The following FAM220A variants were observed in gnomAD, a reference collection of about 807,000 sequenced individuals.
The protein encoded by FAM220A is protein FAM220A.
For missense variants in FAM220A, 392 were observed against 321.6 expected (o/e 1.22, Z -1.68); for synonymous variants, 141 against 130.7 (o/e 1.08, Z -0.54).
chr7:6,332,886 C>T (rs962959170), intron 1 of FAM220A, among the ~76,000 whole-genome samples: 15 of 152,136 alleles, frequency 9.9e-5, no homozygotes, highest in Admixed American at 3.9e-4. Flanking sequence ...TTTGGCCAGG[C>T]GCAGTGGCTC....
chr7:6,335,934 A>G (rs1418571021), intron 1 of FAM220A, among the ~76,000 whole-genome samples: 1 of 152,054 alleles, frequency 6.6e-6, no homozygotes, highest in Non-Finnish European at 1.5e-5. Flanking sequence ...GCACTCTGGG[A>G]GGCCAAGACG....
At chr7:6,340,861 T>C (rs1408038098) in intron 1 of FAM220A, among the ~76,000 whole-genome samples, 2 of 126,152 alleles carry the variant, frequency 1.6e-5, no homozygotes, top group African/African-American at 6.3e-5. Flanking sequence ...ATGGCGCCAC[T>C]GCACTCCAGC....
chr7:6,330,438 C>G lies in FAM220A; in HGVS notation c.717G>C (p.Gln239His), dbSNP rs376469614. The change falls in exon 2 of 2, where the codon CAG becomes CAC. Residue 239 changes from glutamine to histidine, a missense_variant. Gln to His is a conservative substitution (Grantham distance 24). Transcript: ENST00000313324. ...GCAGAGCCAGTAACCCCAGTGTTAT[C>G]TGCAGACCATCTGAGGTGCTTTTAA... ...KMLKSTSDGL[Q>H]ITLGLLALQP... 101 of 1,614,060 alleles carry G rather than the reference C, an allele frequency of 6.3e-5. No individual in the cohort carries two copies. Among genetic ancestry groups the G allele is most frequent in the Non-Finnish European group, 8.1e-5 (95 of 1,180,048 alleles).
In FAM220A at chr7:6,331,241, A is replaced by T; in HGVS notation, c.-81-6T>A. 7.5e-7 allele frequency: 1 copy of T among 1,326,416 alleles called. No individual in the cohort carries two copies. Among genetic ancestry groups the T allele is most frequent in the South Asian group, 1.5e-5 (1 of 68,862 alleles). 82.2% of individuals were successfully genotyped at this position (1,326,416 alleles called of 1,614,324 possible). A position where few individuals can be genotyped will look rare whatever the true frequency, so the allele number is the denominator to read the frequency against. ...CAATGGATCTCAATATGAACCTAGGAAAGGGAATCAAATTAAAGTTCTAAA... is the reference window on the plus strand; with the variant it reads ...CAATGGATCTCAATATGAACCTAGGTAAGGGAATCAAATTAAAGTTCTAAA... On this transcript the variant is annotated splice_region_variant and splice_polypyrimidine_tract_variant and intron_variant, in intron 1 of 1. Coordinates refer to ENST00000313324, the MANE Select transcript of FAM220A (RefSeq NM_001037163.2).
intron 1 of FAM220A, among the ~76,000 whole-genome samples, 152 bp downstream of exon 1, chr7:6,348,421 G>A (rs993141590): frequency 6.6e-6 from 1 of 152,060 alleles, no homozygotes; most frequent in Non-Finnish European, 1.5e-5. Context: ...CCACCTCAGT[G>A]GATCTCCCCA....
intron 1 of FAM220A, among the ~76,000 whole-genome samples, chr7:6,343,009 C>G (rs1195096350): frequency 4.0e-5 from 6 of 150,468 alleles, no homozygotes; most frequent in Non-Finnish European, 8.8e-5. Context: ...TGCACTCCAG[C>G]CTGGATGACA....
intron 1 of FAM220A, among the ~76,000 whole-genome samples, chr7:6,337,324 G>A (rs1260971472): frequency 6.6e-6 from 1 of 151,850 alleles, no homozygotes; most frequent in African/African-American, 2.4e-5. Context: ...GTTTTACCAT[G>A]ATGGCCAGGC....
chr7:6,330,728 C>A lies in FAM220A; in HGVS notation c.427G>T (p.Gly143Ter). The part of the protein sequence containing the change: ...GGPRATDGHR[G>*]QCPKGEPRVS... ...CGAGGCTCTCCTTTGGGGCACTGTC[C>A]TCTGTGGCCGTCAGTGGCCCTGGGC... Residue 143 changes from glycine to a stop codon, truncating the protein, a stop_gained, in exon 2 of 2, where the codon GGA becomes TGA. Coordinates refer to ENST00000313324, the MANE Select transcript of FAM220A (RefSeq NM_001037163.2). LOFTEE classifies it low-confidence loss of function (END_TRUNC). The A allele has an allele frequency of 6.2e-7, 1 of 1,614,158 alleles. No individual in the cohort carries two copies. Among genetic ancestry groups the A allele is most frequent in the Non-Finnish European group, 8.5e-7 (1 of 1,180,022 alleles).
rs778648956 is a variant in FAM220A at position 6,330,352 on chromosome 7, A to T, written c.*23T>A. 6.3e-7 allele frequency: 1 copy of T among 1,580,184 alleles called. No homozygotes were observed. Among genetic ancestry groups the T allele is most frequent in the South Asian group, 1.2e-5 (1 of 85,754 alleles). Reference sequence around the variant, plus strand: ...CTAAGACAACTCTTAAAATTAATCTATTGGTATTGTTCTGCTTGTACCTTA... The same window carrying T: ...CTAAGACAACTCTTAAAATTAATCTTTTGGTATTGTTCTGCTTGTACCTTA... On this transcript the variant is annotated 3_prime_UTR_variant, in exon 2 of 2. Transcript: ENST00000313324.
chr7:6,342,248 T>C (rs910661291), intron 1 of FAM220A, among the ~76,000 whole-genome samples: 14 of 151,708 alleles, frequency 9.2e-5, no homozygotes, highest in African/African-American at 2.9e-4. Flanking sequence ...TTCTGTCTTA[T>C]AGAAACAGTG....
chr7:6,342,009 T>C (rs1041595186), intron 1 of FAM220A: 1 of 151,310 alleles, frequency 6.6e-6, no homozygotes, highest in Admixed American at 6.6e-5. Context: ...AAAAAAAAAA[T>C]TGCAAGTGCT....
intron 1 of FAM220A, among the ~76,000 whole-genome samples, chr7:6,347,063 C>G (rs558049451): frequency 6.6e-6 from 1 of 152,286 alleles, no homozygotes; most frequent in East Asian, 1.9e-4. Context: ...TCACTGGGTT[C>G]TGACTGTAAT....
chr7:6,346,938 A>G (rs1781961983), intron 1 of FAM220A, among the ~76,000 whole-genome samples: 1 of 152,170 alleles, frequency 6.6e-6, no homozygotes, highest in South Asian at 2.1e-4. Context: ...CCTTCAGCAC[A>G]GAGGTATGCA....
intron 1 of FAM220A, among the ~76,000 whole-genome samples, chr7:6,334,613 C>T (rs1415683900): frequency 6.7e-6 from 1 of 150,360 alleles, no homozygotes; most frequent in Non-Finnish European, 1.5e-5. Context: ...ACTACAGGTG[C>T]ACACCGCCAC....
chr7:6,335,505 G>A (rs919055065), intron 1 of FAM220A, among the ~76,000 whole-genome samples: 1 of 151,302 alleles, frequency 6.6e-6, no homozygotes, highest in Admixed American at 6.7e-5. Flanking sequence ...TGGGACTACA[G>A]GTGTGAGCCT....
intron 1 of FAM220A, among the ~76,000 whole-genome samples, chr7:6,334,345 G>C (rs990798778): frequency 6.6e-6 from 1 of 151,382 alleles, no homozygotes; most frequent in African/African-American, 2.4e-5. Context: ...AGACCAGCCT[G>C]AACAACATGG....
At chr7:6,335,827 G>A (rs559493387) in intron 1 of FAM220A, among the ~76,000 whole-genome samples, 1 of 152,008 alleles carries the variant, frequency 6.6e-6, no homozygotes, top group Non-Finnish European at 1.5e-5. Flanking sequence ...TTGAGCCCAG[G>A]GGTGTGAGAC....
intron 1 of FAM220A, among the ~76,000 whole-genome samples, chr7:6,334,737 A>G (rs1354683455): frequency 1.3e-5 from 2 of 151,990 alleles, no homozygotes; most frequent in Non-Finnish European, 2.9e-5. Flanking sequence ...AAGTGCTAGG[A>G]TTACAGGCGT....
In FAM220A at chr7:6,348,878, G is replaced by T. The variant is rs1300152257; in HGVS notation, c.-387C>A. ...GGAGGCGGCGGCTAGACCGGCGGGC[G>T]GGCGGGCCGCAGTGGAGCGGAGTCC... is the stretch of plus-strand genomic sequence containing the variant. On this transcript the variant is annotated 5_prime_UTR_variant, in exon 1 of 2. Coordinates refer to ENST00000313324, the MANE Select transcript of FAM220A (RefSeq NM_001037163.2). 13 of 388,540 alleles carry T rather than the reference G, an allele frequency of 3.3e-5. No individual in the cohort carries two copies. In the Admixed American group the frequency reaches 5.4e-4, roughly 16 times the overall value. The allele number at this position is 388,540 out of a possible 1,614,324, so 24.1% of individuals were successfully genotyped here.
Sources: gnomAD v4.1 joint callset for allele counts (sites outside exome capture counted in the v4.1 genomes callset) on GRCh38, gnomAD v4.1.1 for gene constraint, MANE v1.5 for transcripts, NCBI Gene and HGNC (gene_info 2026-07-23, HGNC 2026-07-21) for gene names.